Variants in SOX5 observed in about 807,000 individuals in gnomAD.
The protein encoded by SOX5 is transcription factor SOX-5.
Under a neutral mutation model 92.0 loss-of-function variants are expected in SOX5, and 9 were observed. That is an observed-to-expected ratio of 0.10 (90% CI 0.06 to 0.17). The LOEUF (loss-of-function observed/expected upper bound fraction) is 0.17. SOX5 is among the 10% of genes least tolerant of loss of function. The pLI is 1.00. For missense variants in SOX5, 642 were observed against 944.5 expected, an observed-to-expected ratio of 0.68 and a Z score of 4.20; for synonymous variants, 344 against 336.3, an observed-to-expected ratio of 1.02 and a Z score of -0.25.
chr12:24,185,053 T>C (rs1955877596), intron 4 of SOX5, among the ~76,000 whole-genome samples: 1 of 152,066 alleles, frequency 6.6e-6, no homozygotes, highest in Non-Finnish European at 1.5e-5. Context: ...GACAACAGCA[T>C]TGACAGTGCT....
Position 24,520,810 on chromosome 12 carries a change from C to A in SOX5, c.-251+41519G>T, listed in dbSNP as rs77909057. 3.8e-4 allele frequency among the ~76,000 whole-genome samples: 58 copies of A among 152,126 alleles called. 1 individual carries two copies. Among genetic ancestry groups the A allele is most frequent in the Non-Finnish European group, 2.5e-4 (17 of 68,026 alleles). Reference sequence around the variant, plus strand: ...AAAGGATGGGAAAAGGAATTTCGTGCAAATGGCAACCGAAAGAAAGCAGAG... The same window carrying A: ...AAAGGATGGGAAAAGGAATTTCGTGAAAATGGCAACCGAAAGAAAGCAGAG... On this transcript the variant is annotated intron_variant, in intron 1 of 4. Transcript: ENST00000446891.
intron 1 of SOX5, among the ~76,000 whole-genome samples, chr12:24,483,153 G>A (rs1236583738): frequency 6.6e-6 from 1 of 152,112 alleles, no homozygotes; most frequent in Admixed American, 6.5e-5. Flanking sequence ...ATTTTAGATA[G>A]ATTCTTCAAT....
chr12:24,282,093 G>A (rs1353174383), intron 2 of SOX5, among the ~76,000 whole-genome samples: 2 of 152,132 alleles, frequency 1.3e-5, no homozygotes, highest in African/African-American at 4.8e-5. Context: ...TCTCAATTCC[G>A]TAGTACTTTG....
Position 23,719,627 on chromosome 12 carries a change from T to G in SOX5, c.810+15057A>C, listed in dbSNP as rs147258039. 1.9e-4 allele frequency among the ~76,000 whole-genome samples: 29 copies of G among 151,858 alleles called. No homozygotes were observed. The East Asian group carries it at 2.5e-3, about 13-fold the overall frequency. ...AATTAGCTGGGCATGGATGGTGGCA[T>G]GCACCTGTGGTCCTAGCCACTCAGG... On this transcript the variant is annotated intron_variant, in intron 6 of 14. Coordinates refer to ENST00000451604, the MANE Select transcript of SOX5 (RefSeq NM_006940.6).
chr12:23,622,317 A>G (rs1420450900), intron 8 of SOX5, among the ~76,000 whole-genome samples: 3 of 151,436 alleles, frequency 2.0e-5, no homozygotes, highest in East Asian at 1.9e-4. Flanking sequence ...TAAAAAGAGA[A>G]AAAAAAAAGT....
chr12:24,191,940 C>G (rs2139417177), intron 4 of SOX5, among the ~76,000 whole-genome samples: 1 of 152,132 alleles, frequency 6.6e-6, no homozygotes, highest in East Asian at 1.9e-4. Flanking sequence ...AACCAAGATT[C>G]CAGGAAAGCT....
intron 2 of SOX5, among the ~76,000 whole-genome samples, chr12:24,310,020 G>C (rs531007702): frequency 6.6e-6 from 1 of 152,050 alleles, no homozygotes; most frequent in Non-Finnish European, 1.5e-5. Context: ...GGTAACTCTC[G>C]AACTTTTCAG....
At chr12:24,261,620 T>C (rs1398653191) in intron 3 of SOX5, among the ~76,000 whole-genome samples, 1 of 152,208 alleles carries the variant, frequency 6.6e-6, no homozygotes, top group East Asian at 1.9e-4. Flanking sequence ...TTCACCAAAT[T>C]AGACAAGATT....
chr12:23,636,223 T>C (rs561555285), intron 8 of SOX5, among the ~76,000 whole-genome samples: 1 of 152,330 alleles, frequency 6.6e-6, no homozygotes, highest in East Asian at 1.9e-4. Context: ...TTTATATACA[T>C]GAACTAGATT....
At chr12:24,143,426 C>T (rs1188286418) in intron 4 of SOX5, among the ~76,000 whole-genome samples, 1 of 152,124 alleles carries the variant, frequency 6.6e-6, no homozygotes, top group Non-Finnish European at 1.5e-5. Context: ...CAGAATATAA[C>T]AGCTGTCTAA....
intron 3 of SOX5, among the ~76,000 whole-genome samples, chr12:23,804,156 A>G (rs959393690): frequency 6.6e-6 from 1 of 152,186 alleles, no homozygotes; most frequent in Non-Finnish European, 1.5e-5. Context: ...TTAAGCCTCA[A>G]TACTCTCAAA....
chr12:23,563,274 T>A lies in SOX5; in HGVS notation c.1472A>T (p.Asn491Ile). The change falls in exon 11 of 15, where the codon AAC becomes ATC. Residue 491 changes from asparagine (N) to isoleucine (I), a missense_variant. Coordinates refer to ENST00000451604, the MANE Select transcript of SOX5 (RefSeq NM_006940.6). ...VAVVNSLGLNNCRTEKEKTTL... is the reference protein window; with the variant it reads ...VAVVNSLGLNICRTEKEKTTL... ...TGAACTGACCTTTTCTGTTCGGCAGTTATTGAGACCCAGACTATTCACAAC... is the reference window on the plus strand; with the variant it reads ...TGAACTGACCTTTTCTGTTCGGCAGATATTGAGACCCAGACTATTCACAAC... The A allele has an allele frequency of 6.2e-7, 1 of 1,612,914 alleles. No individual in the cohort carries two copies. Among genetic ancestry groups the A allele is most frequent in the Non-Finnish European group, 8.5e-7 (1 of 1,179,436 alleles).
chr12:24,147,434 G>A lies in SOX5; in HGVS notation c.-2+65909C>T, dbSNP rs142762572. ...GTATAGGAAGCAATATTCTCACCAC[G>A]ATGAAGAACACCTACAAAAAACTTA... is the stretch of plus-strand genomic sequence containing the variant. On this transcript the variant is annotated intron_variant, in intron 4 of 4. Transcript: ENST00000446891. 4.7e-3 allele frequency among the ~76,000 whole-genome samples: 708 copies of A among 152,236 alleles called. 1 individual carries two copies. Among genetic ancestry groups the A allele is most frequent in the African/African-American group, 0.016 (650 of 41,560 alleles).
chr12:23,867,947 GA>G (rs979547634), intron 2 of SOX5, among the ~76,000 whole-genome samples: 2 of 150,898 alleles, frequency 1.3e-5, no homozygotes, highest in African/African-American at 2.4e-5. Context: ...ACCTCAATCA[GA>G]AAAAAAAATT....
intron 4 of SOX5, 38 bp from the exon 5 acceptor site, chr12:23,741,077 G>GA (rs771272468): frequency 4.8e-6 from 7 of 1,473,596 alleles, no homozygotes; most frequent in Admixed American, 2.2e-5. Context: ...CAAAATAAAT[G>GA]AAAAAAAGTA....
intron 4 of SOX5, among the ~76,000 whole-genome samples, chr12:23,999,838 G>C (rs572666855): frequency 6.6e-6 from 1 of 151,844 alleles, no homozygotes; most frequent in East Asian, 1.9e-4. Flanking sequence ...TAATGAGAGA[G>C]TACTGTTATA....
intron 4 of SOX5, among the ~76,000 whole-genome samples, chr12:24,021,765 G>A (rs1279819828): frequency 2.6e-5 from 4 of 152,088 alleles, no homozygotes; most frequent in Admixed American, 2.0e-4. Context: ...GCTCATCATC[G>A]TGGATTATCA....
chr12:24,160,866 T>G (rs979664219), intron 4 of SOX5, among the ~76,000 whole-genome samples: 13 of 152,108 alleles, frequency 8.5e-5, no homozygotes, highest in Non-Finnish European at 1.9e-4. Flanking sequence ...GACCTCATAG[T>G]ACACTGCCTC....
intron 2 of SOX5, among the ~76,000 whole-genome samples, chr12:23,875,046 G>A (rs1164528013): frequency 6.6e-6 from 1 of 152,106 alleles, no homozygotes; most frequent in African/African-American, 2.4e-5. Context: ...CCTAGTGCTG[G>A]CCCAAGGTTA....
Sources: allele counts gnomAD v4.1 joint callset (sites outside exome capture counted in the v4.1 genomes callset), GRCh38; gene constraint gnomAD v4.1.1; transcripts MANE v1.5; gene names NCBI Gene and HGNC (gene_info 2026-07-23, HGNC 2026-07-21).